SLC35F1: variants seen among roughly 807,000 people sequenced by gnomAD.
SLC35F1 encodes solute carrier family 35 member F1, also known as chromosome 6 open reading frame 169.
Under a neutral mutation model 48.7 loss-of-function variants are expected in SLC35F1, and 14 were observed. That is an observed-to-expected ratio of 0.29 (90% CI 0.19 to 0.45). The LOEUF is 0.45. Among genes scored for constraint, SLC35F1 ranks in the 20% least tolerant of loss-of-function variants. The probability of loss-of-function intolerance (pLI) is 1.00; values close to 1 mark genes in which losing one functional copy is unlikely to be tolerated. For synonymous variants in SLC35F1, 190 were observed against 202.2 expected (o/e 0.94, Z 0.51); for missense variants, 404 against 500.0 (o/e 0.81, Z 1.83).
chr6:118,281,366 A>G (rs1242657508), intron 6 of SLC35F1, among the ~76,000 whole-genome samples: 1 of 152,084 alleles, frequency 6.6e-6, no homozygotes, highest in Admixed American at 6.6e-5. Flanking sequence ...AGGGCAAGTT[A>G]CTTAACCCCT....
chr6:118,270,238 C>T (rs6924560), intron 4 of SLC35F1, among the ~76,000 whole-genome samples: 13,897 of 152,170 alleles, frequency 0.091, 646 homozygotes, highest in Middle Eastern at 0.15. Context: ...AATTCCACTT[C>T]GTCAGCATGT....
intron 1 of SLC35F1, among the ~76,000 whole-genome samples, chr6:118,014,114 C>T (rs1392127008): frequency 1.3e-5 from 2 of 152,162 alleles, no homozygotes; most frequent in East Asian, 3.8e-4. Flanking sequence ...TAGTTGACCT[C>T]TGAGTTTCAT....
intron 1 of SLC35F1, among the ~76,000 whole-genome samples, chr6:118,089,068 G>A (rs935216253): frequency 6.6e-6 from 1 of 152,140 alleles, no homozygotes; most frequent in Non-Finnish European, 1.5e-5. Flanking sequence ...AGAAATCATG[G>A]TGCCTAGAAC....
intron 2 of SLC35F1, among the ~76,000 whole-genome samples, chr6:118,233,802 G>A (rs1775327225): frequency 6.6e-6 from 1 of 152,196 alleles, no homozygotes; most frequent in Admixed American, 6.5e-5. Context: ...ATAGGAGTTT[G>A]CAAGATGGGG....
intron 2 of SLC35F1, among the ~76,000 whole-genome samples, chr6:118,182,552 G>GAAGGAAGA (rs1251229799): frequency 7.4e-6 from 1 of 135,932 alleles, no homozygotes; most frequent in Non-Finnish European, 1.5e-5. Flanking sequence ...AGGAAGGAAG[G>GAAGGAAGA]AAGGAAGGAA....
chr6:117,920,717 A>G (rs533499583), intron 1 of SLC35F1, among the ~76,000 whole-genome samples: 1 of 152,172 alleles, frequency 6.6e-6, no homozygotes, highest in Non-Finnish European at 1.5e-5. Flanking sequence ...GTACTAATCC[A>G]TCTGCTAATG....
At chr6:118,221,207 G>A (rs1562329774) in intron 2 of SLC35F1, among the ~76,000 whole-genome samples, 1 of 152,052 alleles carries the variant, frequency 6.6e-6, no homozygotes, top group African/African-American at 2.4e-5. Flanking sequence ...CAGATACTGC[G>A]CTACCCCAAC....
chr6:118,189,214 CT>C (rs746651900), intron 2 of SLC35F1, among the ~76,000 whole-genome samples: 3 of 152,182 alleles, frequency 2.0e-5, no homozygotes, highest in African/African-American at 4.8e-5. Flanking sequence ...CCCAGTCCAA[CT>C]TACATTCTTA....
At chr6:118,266,190 C>T (rs1223686577) in intron 3 of SLC35F1, among the ~76,000 whole-genome samples, 1 of 152,300 alleles carries the variant, frequency 6.6e-6, no homozygotes, top group Middle Eastern at 3.4e-3. Flanking sequence ...AAATTCAGGT[C>T]TTCTGGCTCC....
chr6:118,159,087 G>T (rs1221410715), intron 2 of SLC35F1, among the ~76,000 whole-genome samples: 1 of 151,858 alleles, frequency 6.6e-6, no homozygotes, highest in Admixed American at 6.6e-5. Flanking sequence ...TGGGCGTGGT[G>T]GCAGGCGCCT....
intron 1 of SLC35F1, among the ~76,000 whole-genome samples, chr6:117,975,686 T>A (rs1028892161): frequency 6.6e-6 from 1 of 152,222 alleles, no homozygotes; most frequent in Non-Finnish European, 1.5e-5. Flanking sequence ...AAAAGGGAAC[T>A]TATTCTGTTC....
intron 1 of SLC35F1, among the ~76,000 whole-genome samples, chr6:118,042,385 T>C (rs7757378): frequency 0.017 from 2,618 of 152,276 alleles, 76 homozygotes; most frequent in African/African-American, 0.059. Context: ...CAACTAACTC[T>C]ACCTGCATAG....
In SLC35F1 at chr6:118,267,016, C is replaced by T. The variant is rs1442570304; in HGVS notation, c.499C>T (p.Pro167Ser). Residue 167 changes from proline to serine, a missense_variant, in exon 4 of 8, where the codon CCA (proline) becomes TCA (serine). Around this residue, in one of 2 missense-constraint regions of SLC35F1, gnomAD observed 306 missense variants for 419.1 expected, o/e 0.73. Transcript: ENST00000360388. ...ATAGCTCCTGGACTGTTTTGTGATCCCAGTCGTGATTTTGCTCTCCTGGTT... is the reference window on the plus strand; with the variant it reads ...ATAGCTCCTGGACTGTTTTGTGATCTCAGTCGTGATTTTGCTCTCCTGGTT... The part of the protein sequence containing the change: ...SIQLLDCFVI[P>S]VVILLSWFFL... 1.2e-6 allele frequency: 2 copies of T among 1,613,720 alleles called. No individual in the cohort carries two copies. Among genetic ancestry groups the T allele is most frequent in the Non-Finnish European group, 1.7e-6 (2 of 1,179,890 alleles).
intron 2 of SLC35F1, among the ~76,000 whole-genome samples, chr6:118,232,739 C>T (rs978542023): frequency 2.6e-5 from 4 of 151,852 alleles, no homozygotes; most frequent in Admixed American, 6.6e-5. Context: ...CAAGAGAAAG[C>T]GTACTTTGGG....
intron 1 of SLC35F1, among the ~76,000 whole-genome samples, chr6:117,978,204 T>C (rs757187392): frequency 6.6e-6 from 1 of 152,026 alleles, no homozygotes; most frequent in African/African-American, 2.4e-5. Context: ...GCTTTAGAAA[T>C]GTCCAATAAC....
At chr6:117,974,550 A>T (rs1164599995) in intron 1 of SLC35F1, among the ~76,000 whole-genome samples, 11 of 152,162 alleles carry the variant, frequency 7.2e-5, no homozygotes, top group Non-Finnish European at 1.6e-4. Flanking sequence ...CATTAATATA[A>T]CTTTTTAATG....
intron 1 of SLC35F1, among the ~76,000 whole-genome samples, chr6:117,912,103 G>A (rs1354079417): frequency 6.6e-6 from 1 of 152,210 alleles, no homozygotes; most frequent in East Asian, 1.9e-4. Context: ...AAGACATACA[G>A]TGGGTTGTCT....
At chr6:118,007,191 G>C (rs1057446976) in intron 1 of SLC35F1, among the ~76,000 whole-genome samples, 1 of 152,134 alleles carries the variant, frequency 6.6e-6, no homozygotes, top group South Asian at 2.1e-4. Flanking sequence ...TTGCTGAAGC[G>C]GGGACTCTCT....
chr6:117,988,875 A>G (rs192487369), intron 1 of SLC35F1, among the ~76,000 whole-genome samples: 24 of 152,338 alleles, frequency 1.6e-4, no homozygotes, highest in African/African-American at 5.0e-4. Flanking sequence ...TCACACAGCA[A>G]TGTGAATATA....
Sources: gnomAD v4.1 joint callset for allele counts (sites outside exome capture counted in the v4.1 genomes callset) on GRCh38, gnomAD v4.1.1 for gene constraint, gnomAD v4.1.1 regional missense constraint, MANE v1.5 for transcripts, NCBI Gene and HGNC (gene_info 2026-07-23, HGNC 2026-07-21) for gene names.